FSTL5: variants seen among roughly 807,000 people sequenced by gnomAD.
The protein encoded by FSTL5 is follistatin-related protein 5.
In FSTL5, 62 loss-of-function variants were observed where a neutral mutation model predicts 89.1. The observed-to-expected ratio is 0.70, with a 90% CI of 0.57 to 0.86. The LOEUF (loss-of-function observed/expected upper bound fraction) is 0.86. Ranked by LOEUF, FSTL5 falls within the 40% of genes least tolerant of loss-of-function variation. The pLI, the probability that FSTL5 is intolerant of heterozygous loss-of-function variation, is 0.00. For synonymous variants in FSTL5, 383 were observed against 346.2 expected (o/e 1.11, Z -1.18); for missense variants, 1,057 against 1,001.6 (o/e 1.06, Z -0.75).
intron 3 of FSTL5, among the ~76,000 whole-genome samples, chr4:161,985,942 A>C (rs2111062111): frequency 6.6e-6 from 1 of 152,234 alleles, no homozygotes; most frequent in East Asian, 1.9e-4. Context: ...TGACTACCTG[A>C]CATAATCATG....
chr4:161,856,994 T>C (rs745590256), intron 4 of FSTL5, among the ~76,000 whole-genome samples: 4 of 152,030 alleles, frequency 2.6e-5, no homozygotes, highest in Non-Finnish European at 5.9e-5. Flanking sequence ...AGAGGCAAGA[T>C]AGATACAGAA....
chr4:161,698,144 C>T (rs992771137), intron 6 of FSTL5, among the ~76,000 whole-genome samples: 7 of 152,146 alleles, frequency 4.6e-5, no homozygotes, highest in African/African-American at 1.7e-4. Flanking sequence ...CTCACCCCTT[C>T]TGCCTTCTGC....
intron 6 of FSTL5, among the ~76,000 whole-genome samples, chr4:161,741,774 G>A (rs1274040245): frequency 1.4e-5 from 2 of 147,960 alleles, no homozygotes; most frequent in Admixed American, 6.8e-5. Flanking sequence ...TGCAACGTTC[G>A]CCTCCCGGTT....
At chr4:161,615,082 C>T (rs1430036830) in intron 7 of FSTL5, among the ~76,000 whole-genome samples, 2 of 151,910 alleles carry the variant, frequency 1.3e-5, no homozygotes, top group Non-Finnish European at 2.9e-5. Flanking sequence ...ATCACAAGGT[C>T]AGGACATCCA....
intron 1 of FSTL5, among the ~76,000 whole-genome samples, chr4:162,118,486 C>T (rs1047137673): frequency 1.3e-5 from 2 of 152,150 alleles, no homozygotes; most frequent in Non-Finnish European, 2.9e-5. Context: ...TGGTCTCGAT[C>T]TCCTGACCTC....
chr4:161,567,907 C>A (rs2126581197), intron 8 of FSTL5, among the ~76,000 whole-genome samples: 1 of 152,024 alleles, frequency 6.6e-6, no homozygotes, highest in East Asian at 1.9e-4. Flanking sequence ...CCCATTTGGT[C>A]AAAGTAGGAA....
intron 3 of FSTL5, among the ~76,000 whole-genome samples, chr4:161,988,163 A>T (rs1736018778): frequency 6.6e-6 from 1 of 151,906 alleles, no homozygotes; most frequent in Non-Finnish European, 1.5e-5. Context: ...GGCAAGGTAA[A>T]TGGGATTTAG....
At chr4:161,526,053 C>T (rs1021607892) in intron 10 of FSTL5, among the ~76,000 whole-genome samples, 20 of 152,004 alleles carry the variant, frequency 1.3e-4, no homozygotes, top group African/African-American at 3.6e-4. Context: ...CAATTATTTG[C>T]GCTGACAATA....
intron 4 of FSTL5, among the ~76,000 whole-genome samples, chr4:161,869,468 G>T (rs1288406959): frequency 1.3e-5 from 2 of 152,090 alleles, no homozygotes; most frequent in Non-Finnish European, 2.9e-5. Flanking sequence ...CTGACATTAT[G>T]GCTGACTCCC....
chr4:161,410,045 C>T (rs962817694), intron 15 of FSTL5, among the ~76,000 whole-genome samples: 7 of 152,234 alleles, frequency 4.6e-5, no homozygotes, highest in Admixed American at 2.6e-4. Context: ...ATAAGATCTA[C>T]CATGCAAACA....
intron 12 of FSTL5, among the ~76,000 whole-genome samples, chr4:161,493,308 A>G (rs1291813416): frequency 6.6e-6 from 1 of 151,828 alleles, no homozygotes; most frequent in Non-Finnish European, 1.5e-5. Context: ...ACGAACAGAT[A>G]ATATTTAATA....
At chr4:162,050,556 T>C (rs1389035618) in intron 2 of FSTL5, among the ~76,000 whole-genome samples, 1 of 150,310 alleles carries the variant, frequency 6.7e-6, no homozygotes, top group Non-Finnish European at 1.5e-5. Flanking sequence ...TTAATAACCA[T>C]TTTTCCTTTT....
At chr4:162,131,724 G>A (rs1732308995) in intron 1 of FSTL5, among the ~76,000 whole-genome samples, 1 of 152,218 alleles carries the variant, frequency 6.6e-6, no homozygotes, top group Admixed American at 6.5e-5. Context: ...CAGCCACAAA[G>A]TGAGAGCCCA....
At chr4:161,670,153 G>A (rs952261420) in intron 6 of FSTL5, among the ~76,000 whole-genome samples, 5 of 152,078 alleles carry the variant, frequency 3.3e-5, no homozygotes, top group African/African-American at 1.2e-4. Context: ...ACTTACTAAC[G>A]AAATTCAGTG....
At chr4:161,430,099 A>G (rs1303287288) in intron 15 of FSTL5, among the ~76,000 whole-genome samples, 1 of 152,056 alleles carries the variant, frequency 6.6e-6, no homozygotes, top group Non-Finnish European at 1.5e-5. Flanking sequence ...CAAATGACAT[A>G]CTGAAGAAGG....
intron 1 of FSTL5, among the ~76,000 whole-genome samples, chr4:162,157,264 T>A (rs537718832): frequency 6.6e-6 from 1 of 152,112 alleles, no homozygotes; most frequent in Admixed American, 6.6e-5. Context: ...TATTTATAAA[T>A]TTTTAGACCA....
At chr4:162,147,367 T>C (rs1492453) in intron 1 of FSTL5, among the ~76,000 whole-genome samples, 151,027 of 152,214 alleles carry the variant, frequency 0.99, 74,936 homozygotes, top group Middle Eastern at 1. Context: ...CAAAAAATGT[T>C]GAACAAGTTC....
intron 3 of FSTL5, among the ~76,000 whole-genome samples, chr4:161,994,412 T>C (rs1443957240): frequency 6.6e-6 from 1 of 152,214 alleles, no homozygotes; most frequent in Non-Finnish European, 1.5e-5. Context: ...TTGGGATTGC[T>C]GGGTCGAATG....
intron 8 of FSTL5, among the ~76,000 whole-genome samples, chr4:161,564,297 A>C (rs1280009705): frequency 6.6e-6 from 1 of 151,016 alleles, no homozygotes; most frequent in Admixed American, 6.6e-5. Flanking sequence ...ATATGACCTG[A>C]TCCTATAATA....
Sources: gnomAD v4.1 joint callset for allele counts (sites outside exome capture counted in the v4.1 genomes callset) on GRCh38, gnomAD v4.1.1 for gene constraint, MANE v1.5 for transcripts, NCBI Gene and HGNC (gene_info 2026-07-23, HGNC 2026-07-21) for gene names.